The following CEP63 variants were observed in gnomAD, a reference collection of about 807,000 sequenced individuals.
CEP63 encodes centrosomal protein 63.
In CEP63, 84 loss-of-function variants were observed where a neutral mutation model predicts 89.1. The observed-to-expected ratio is 0.94, with a 90% CI of 0.79 to 1.13. The LOEUF (loss-of-function observed/expected upper bound fraction) is 1.13. CEP63 is among the 50% of genes most tolerant of loss of function. The probability of loss-of-function intolerance (pLI) is 0.00; values close to 1 mark genes in which losing one functional copy is unlikely to be tolerated. For synonymous variants in CEP63, 267 were observed against 272.5 expected (o/e 0.98, Z 0.20); for missense variants, 838 against 813.3 (o/e 1.03, Z -0.37).
At chr3:134,642,445 G>A in the CEP63 span, among the ~76,000 whole-genome samples, 1 of 152,204 alleles carries the variant, frequency 6.6e-6, no homozygotes, top group South Asian at 2.1e-4. Flanking sequence ...TAACCAAGGT[G>A]GGCGTGAGAG....
chr3:134,738,981 C>CT, the CEP63 span, among the ~76,000 whole-genome samples: 1 of 138,828 alleles, frequency 7.2e-6, no homozygotes, highest in Admixed American at 7.2e-5. Context: ...AAAAAAAAAA[C>CT]CCAGATAACA....
the CEP63 span, among the ~76,000 whole-genome samples, chr3:134,597,537 G>A: frequency 6.6e-6 from 1 of 152,300 alleles, no homozygotes; most frequent in African/African-American, 2.4e-5. Flanking sequence ...TGCAGGTCGC[G>A]GAGAGACTCC....
intron 3 of CEP63, among the ~76,000 whole-genome samples, chr3:134,509,471 T>A (rs1205951892): frequency 1.3e-5 from 2 of 152,216 alleles, no homozygotes; most frequent in Non-Finnish European, 2.9e-5. Context: ...ATATCACTTG[T>A]CAACAAACTT....
upstream of CEP63, chr3:134,485,991 G>GCGCC: frequency 3.2e-6 from 3 of 938,150 alleles, no homozygotes; most frequent in Non-Finnish European, 3.8e-6. Flanking sequence ...CTCCTGCCAC[G>GCGCC]CCCCCCCCCC....
chr3:134,516,046 C>G (rs552984814), intron 3 of CEP63, among the ~76,000 whole-genome samples: 206 of 152,212 alleles, frequency 1.4e-3, no homozygotes, highest in African/African-American at 4.6e-3. Flanking sequence ...AAAGGGGGCC[C>G]AGGGGACCGG....
chr3:134,735,258 C>T, the CEP63 span, among the ~76,000 whole-genome samples: 1 of 152,118 alleles, frequency 6.6e-6, no homozygotes, highest in Non-Finnish European at 1.5e-5. Flanking sequence ...CAGCCTCACA[C>T]ACAGATCAAT....
chr3:134,703,571 G>A, the CEP63 span, among the ~76,000 whole-genome samples: 2 of 152,086 alleles, frequency 1.3e-5, no homozygotes, highest in African/African-American at 2.4e-5. Flanking sequence ...TGGGAGCTGA[G>A]TGATGAGATG....
chr3:134,561,726 T>C lies in CEP63; in HGVS notation c.*191T>C, dbSNP rs1035908321. ...CTCTGCACTGGTTTGTTTAAAGGAC[T>C]TCTTCCAGCAATAAGTTGAAAGAAT... On this transcript the variant is annotated 3_prime_UTR_variant, in exon 15 of 15. Transcript: ENST00000675561. The C allele has an allele frequency of 1.2e-5, 17 of 1,404,936 alleles. No individual in the cohort carries two copies. The highest frequency in any genetic ancestry group is 1.3e-5 in the Non-Finnish European group (14 of 1,083,804). 87.0% of individuals were successfully genotyped at this position (1,404,936 alleles called of 1,614,324 possible). A position where few individuals can be genotyped will look rare whatever the true frequency, so the allele number is the denominator to read the frequency against.
the CEP63 span, among the ~76,000 whole-genome samples, chr3:134,758,165 C>T: frequency 2.6e-5 from 4 of 152,204 alleles, no homozygotes; most frequent in South Asian, 2.1e-4. Flanking sequence ...ATTGCAAACT[C>T]CAAGTGTAAA....
intron 3 of CEP63, among the ~76,000 whole-genome samples, chr3:134,530,947 T>G (rs989318768): frequency 4.6e-5 from 7 of 152,198 alleles, no homozygotes; most frequent in Non-Finnish European, 1.0e-4. Context: ...AAATTCTAGC[T>G]GGTTATTAAA....
the CEP63 span, among the ~76,000 whole-genome samples, chr3:134,724,928 G>A: frequency 6.6e-6 from 1 of 152,018 alleles, no homozygotes. Context: ...GAGAGGCAAG[G>A]TTTTAAAAAA....
the CEP63 span, among the ~76,000 whole-genome samples, chr3:134,636,550 A>G: frequency 6.6e-6 from 1 of 152,234 alleles, no homozygotes; most frequent in Admixed American, 6.5e-5. Context: ...ATAGCCTCTC[A>G]GGTGAGGCTA....
chr3:134,760,600 C>G, the CEP63 span, among the ~76,000 whole-genome samples: 1 of 152,082 alleles, frequency 6.6e-6, no homozygotes, highest in African/African-American at 2.4e-5. Context: ...CCTATGTGTC[C>G]CCCAGTGATG....
intron 5 of CEP63, 77 bp from the exon 6 acceptor site, chr3:134,537,078 A>AAAG (rs1311229695): frequency 4.4e-6 from 4 of 907,862 alleles, no homozygotes; most frequent in Non-Finnish European, 7.4e-6. Context: ...GGGAGAAATT[A>AAAG]AAGTTAAAGG....
chr3:134,535,340 C>A (rs767369193), intron 5 of CEP63: 1 of 152,148 alleles, frequency 6.6e-6, no homozygotes, highest in Non-Finnish European at 1.5e-5. Flanking sequence ...CTCATCCTAC[C>A]TACAGCTTTG....
chr3:134,742,342 G>A, the CEP63 span, among the ~76,000 whole-genome samples: 2 of 152,162 alleles, frequency 1.3e-5, no homozygotes, highest in Non-Finnish European at 2.9e-5. Context: ...AGTGTGTCTG[G>A]TGGATGGCAA....
At chr3:134,610,334 CG>C in the CEP63 span, 1 of 1,613,626 alleles carries the variant, frequency 6.2e-7, no homozygotes. Flanking sequence ...GTCTGGTAGC[CG>C]AAACCCTTGG....
intron 12 of CEP63, 145 bp downstream of exon 12, chr3:134,552,157 A>C: frequency 1.9e-6 from 1 of 513,414 alleles, no homozygotes; most frequent in East Asian, 3.4e-5. Context: ...GTAAAACAAT[A>C]CTGGAAGTGA....
the CEP63 span, among the ~76,000 whole-genome samples, chr3:134,643,936 C>T: frequency 1.3e-5 from 2 of 151,872 alleles, no homozygotes; most frequent in African/African-American, 4.8e-5. Context: ...GTGCCATTCT[C>T]CTGCCTCCAC....
Sources: allele counts gnomAD v4.1 joint callset (sites outside exome capture counted in the v4.1 genomes callset), GRCh38; gene constraint gnomAD v4.1.1; transcripts MANE v1.5; gene names NCBI Gene and HGNC (gene_info 2026-07-23, HGNC 2026-07-21).